The following ZNF141 variants were observed in gnomAD, a reference collection of about 807,000 sequenced individuals.
The protein encoded by ZNF141 is zinc finger protein 141.
ZNF141 carries 7 observed loss-of-function variants against 11.3 expected under a neutral mutation model. That is an observed-to-expected ratio of 0.62 (90% CI 0.35 to 1.16). The LOEUF is 1.16. ZNF141 is among the 50% of genes most tolerant of loss of function. The pLI is 0.02. For missense variants in ZNF141, 535 were observed against 554.0 expected (o/e 0.97, Z 0.34); for synonymous variants, 183 against 190.7 (o/e 0.96, Z 0.33).
intron 3 of ZNF141, chr4:350,254 A>G (rs1553850234): frequency 1.9e-6 from 1 of 532,628 alleles, no homozygotes. Flanking sequence ...CTTATTCTAA[A>G]TAACCCTCGA....
chr4:347,464 C>A (rs1252341944), intron 3 of ZNF141, among the ~76,000 whole-genome samples: 2 of 151,730 alleles, frequency 1.3e-5, no homozygotes, highest in African/African-American at 4.8e-5. Context: ...CTCAGCCTCC[C>A]GAGTAGCTGG....
At chr4:367,882 A>G (rs1392387092) in intron 3 of ZNF141, among the ~76,000 whole-genome samples, 4 of 152,164 alleles carry the variant, frequency 2.6e-5, no homozygotes, top group Admixed American at 6.5e-5. Context: ...CGTGCAGAAC[A>G]TCCAGATTTT....
rs1712537364 is a variant in ZNF141 at position 379,893 on chromosome 4, A to G, written c.*6031A>G. Among the ~76,000 whole-genome samples the G allele has an allele frequency of 6.6e-6, 1 of 152,364 alleles. No homozygotes were observed. Among genetic ancestry groups the G allele is most frequent in the East Asian group, 1.9e-4 (1 of 5,194 alleles). On this transcript the variant is annotated 3_prime_UTR_variant, in exon 4 of 4. Transcript: ENST00000240499. ...CTGCTTAACAAATACTTCACCACAC[A>G]TAATTACTTTTGGGATAAGAGCTCA...
In ZNF141 at chr4:381,440, G is replaced by A. The variant is rs550003159; in HGVS notation, c.*7578G>A. Among the ~76,000 whole-genome samples the A allele has an allele frequency of 9.2e-4, 88 of 95,734 alleles. No homozygotes were observed. Among genetic ancestry groups the A allele is most frequent in the Non-Finnish European group, 1.3e-3 (71 of 53,862 alleles). The allele number at this position is 95,734 out of a possible 152,430, so 62.8% of individuals were successfully genotyped here. A position where few individuals can be genotyped will look rare whatever the true frequency, so the allele number is the denominator to read the frequency against. ...TTTTTTTTTTTTGAGACGTTGTCTT[G>A]CTCTGTCGCCCAGGCTGGAGTGCAG... On this transcript the variant is annotated 3_prime_UTR_variant, in exon 4 of 4. Coordinates refer to ENST00000240499, the MANE Select transcript of ZNF141 (RefSeq NM_003441.4).
intron 1 of ZNF141, among the ~76,000 whole-genome samples, chr4:339,692 A>G (rs2108679433): frequency 6.6e-6 from 1 of 152,354 alleles, no homozygotes; most frequent in African/African-American, 2.4e-5. Context: ...ACTCATTTTA[A>G]TCTGTTAACT....
At chr4:366,664 A>G (rs1560195126) in intron 3 of ZNF141, among the ~76,000 whole-genome samples, 1 of 147,268 alleles carries the variant, frequency 6.8e-6, no homozygotes, top group East Asian at 2.0e-4. Context: ...GTTTGCTGCT[A>G]GACATATTTT....
rs1049932430 is a variant in ZNF141 at position 380,291 on chromosome 4, G to A, written c.*6429G>A. Among the ~76,000 whole-genome samples the A allele has an allele frequency of 2.0e-5, 3 of 152,280 alleles. No homozygotes were observed. The highest frequency in any genetic ancestry group is 1.9e-4 in the East Asian group (1 of 5,194). The stretch of plus-strand genomic sequence containing the variant: ...GTATTAAAGCATGTATTGGAATTCC[G>A]TATATACATGTTTTAGTAATAGTTG... On this transcript the variant is annotated 3_prime_UTR_variant, in exon 4 of 4. Transcript: ENST00000240499.
At chr4:372,078 G>GT (rs1712094676) in intron 3 of ZNF141, among the ~76,000 whole-genome samples, 1 of 152,140 alleles carries the variant, frequency 6.6e-6, no homozygotes, top group African/African-American at 2.4e-5. Flanking sequence ...AGTTAAAAGG[G>GT]TTTGTTCATG....
chr4:341,193 T>C (rs1553848398), intron 1 of ZNF141, among the ~76,000 whole-genome samples: 1 of 152,050 alleles, frequency 6.6e-6, no homozygotes, highest in East Asian at 1.9e-4. Context: ...TCCGAGTAGC[T>C]GGGATTACAG....
chr4:353,868 A>C (rs1553850864), intron 3 of ZNF141, among the ~76,000 whole-genome samples: 1 of 152,106 alleles, frequency 6.6e-6, no homozygotes, highest in East Asian at 1.9e-4. Flanking sequence ...TTCTGAGGGC[A>C]GACTCTTCTC....
chr4:370,168 A>G (rs1447758024), intron 3 of ZNF141, among the ~76,000 whole-genome samples: 1 of 151,830 alleles, frequency 6.6e-6, no homozygotes, highest in African/African-American at 2.4e-5. Context: ...CACTAATCAT[A>G]TTTTTTTGCT....
chr4:365,482 T>C (rs564245646), intron 3 of ZNF141, among the ~76,000 whole-genome samples: 2 of 151,698 alleles, frequency 1.3e-5, no homozygotes, highest in South Asian at 4.2e-4. Context: ...GGGAGGTCTC[T>C]GCTCTATTTT....
chr4:360,506 G>A (rs949362662), intron 3 of ZNF141, among the ~76,000 whole-genome samples: 9 of 152,130 alleles, frequency 5.9e-5, no homozygotes, highest in East Asian at 3.9e-4. Flanking sequence ...TTTATGATAC[G>A]TCTGTATTAT....
chr4:343,043 AG>A, intron 1 of ZNF141: 2 of 725,728 alleles, frequency 2.8e-6, no homozygotes, highest in Non-Finnish European at 4.6e-6. Flanking sequence ...GTATTAAAAA[AG>A]TTCCTTGCAT....
chr4:339,371 C>T lies in ZNF141; in HGVS notation c.3+1385C>T, dbSNP rs561663671. Among the ~76,000 whole-genome samples the T allele has an allele frequency of 3.3e-5, 5 of 152,362 alleles. No individual in the cohort carries two copies. In the East Asian group the frequency reaches 5.8e-4, roughly 18 times the overall value. On this transcript the variant is annotated intron_variant, in intron 1 of 3. Coordinates refer to ENST00000240499, the MANE Select transcript of ZNF141 (RefSeq NM_003441.4). The stretch of plus-strand genomic sequence containing the variant: ...AACTTGTAGCACAAACCAGTCCTTT[C>T]GTCAATCCTGCCTTGCCCCCACTCA...
At chr4:365,479 C>G (rs1038697735) in intron 3 of ZNF141, among the ~76,000 whole-genome samples, 1 of 151,792 alleles carries the variant, frequency 6.6e-6, no homozygotes, top group Non-Finnish European at 1.5e-5. Flanking sequence ...AACGGGAGGT[C>G]TCTGCTCTAT....
rs890746467 is a variant in ZNF141, at chr4:377,569, C to T, written c.*3707C>T. Among the ~76,000 whole-genome samples the T allele has an allele frequency of 2.6e-5, 4 of 152,252 alleles. No individual in the cohort carries two copies. In the East Asian group the frequency reaches 5.8e-4, roughly 22 times the overall value. On this transcript the variant is annotated 3_prime_UTR_variant, in exon 4 of 4. Transcript: ENST00000240499. ...GTTTGTCACTGTTCTCTTCATTCCA[C>T]GTAATTTCACGTGGACTTTAGGTTA...
chr4:356,179 C>T (rs60057712), intron 3 of ZNF141, among the ~76,000 whole-genome samples: 24 of 148,408 alleles, frequency 1.6e-4, no homozygotes, highest in Non-Finnish European at 1.6e-4. Flanking sequence ...TGCAGTGAGC[C>T]GAGATCATGC....
Position 382,450 on chromosome 4 carries a change from C to T in ZNF141, c.*8588C>T, listed in dbSNP as rs1372827341. Among the ~76,000 whole-genome samples, 3 of 152,048 alleles carry T rather than the reference C, an allele frequency of 2.0e-5. No homozygotes were observed. Among genetic ancestry groups the T allele is most frequent in the African/African-American group, 7.2e-5 (3 of 41,400 alleles). ...TTCAGGAACAGTAATTTGACTTTGT[C>T]TATATTAAAAATCATAAATAGTCAA... is the stretch of plus-strand genomic sequence containing the variant. On this transcript the variant is annotated 3_prime_UTR_variant, in exon 4 of 4. Coordinates refer to ENST00000240499, the MANE Select transcript of ZNF141 (RefSeq NM_003441.4).
Sources: gnomAD v4.1 joint callset for allele counts (sites outside exome capture counted in the v4.1 genomes callset) on GRCh38, gnomAD v4.1.1 for gene constraint, MANE v1.5 for transcripts, NCBI Gene and HGNC (gene_info 2026-07-23, HGNC 2026-07-21) for gene names.